USP53: variants seen among roughly 807,000 people sequenced by gnomAD.
The protein encoded by USP53 is ubiquitin specific peptidase 53, also known as ubiquitin carboxyl-terminal hydrolase 53.
In USP53, 71 loss-of-function variants were observed where a neutral mutation model predicts 94.9. The observed-to-expected ratio is 0.75, with a 90% confidence interval of 0.62 to 0.91. The LOEUF (loss-of-function observed/expected upper bound fraction) is 0.91. Among genes scored for constraint, USP53 ranks in the 40% least tolerant of loss-of-function variants. The probability of loss-of-function intolerance (pLI) is 0.00; values close to 1 mark genes in which losing one functional copy is unlikely to be tolerated. For synonymous variants in USP53, 375 were observed against 422.7 expected (o/e 0.89, Z 1.39); for missense variants, 1,173 against 1,281.0 (o/e 0.92, Z 1.29).
At chr4:119,286,119 TAA>T (rs1481058535) in intron 17 of USP53, among the ~76,000 whole-genome samples, 1 of 151,818 alleles carries the variant, frequency 6.6e-6, no homozygotes, top group Non-Finnish European at 1.5e-5. Context: ...TTTATCTAGT[TAA>T]AGTTTTCTGA....
intron 10 of USP53, 94 bp downstream of exon 10, chr4:119,260,019 C>G: frequency 1.2e-6 from 1 of 803,714 alleles, no homozygotes; most frequent in South Asian, 2.7e-5. Context: ...GATTCTATAT[C>G]TAGAATTAGC....
chr4:119,246,852 G>T (rs1222724058), intron 6 of USP53, among the ~76,000 whole-genome samples: 1 of 152,126 alleles, frequency 6.6e-6, no homozygotes, highest in Non-Finnish European at 1.5e-5. Flanking sequence ...TTTTGCCAGA[G>T]AACTTAAGAT....
At chr4:119,261,540 G>T (rs544502477) in intron 11 of USP53, among the ~76,000 whole-genome samples, 175 bp from the exon 12 acceptor site, 8 of 152,230 alleles carry the variant, frequency 5.3e-5, no homozygotes, top group Admixed American at 5.2e-4. Flanking sequence ...ATTAAAAGTG[G>T]TAATTCTGTT....
At chr4:119,288,884 G>C (rs1754407720) in intron 17 of USP53, among the ~76,000 whole-genome samples, 1 of 148,038 alleles carries the variant, frequency 6.8e-6, no homozygotes, top group Non-Finnish European at 1.5e-5. Flanking sequence ...GTTGCAGTGA[G>C]CCGAGATCGT....
intron 4 of USP53, among the ~76,000 whole-genome samples, chr4:119,236,209 C>T (rs1251328800): frequency 1.3e-5 from 2 of 152,150 alleles, no homozygotes; most frequent in Admixed American, 6.5e-5. Context: ...CACTATACCA[C>T]AGTCTATTAA....
At chr4:119,290,953 T>A (rs1225543959) in intron 17 of USP53, among the ~76,000 whole-genome samples, 1 of 152,188 alleles carries the variant, frequency 6.6e-6, no homozygotes, top group Non-Finnish European at 1.5e-5. Context: ...CCTCAAGTGA[T>A]AATAAACTGA....
intron 3 of USP53, among the ~76,000 whole-genome samples, chr4:119,224,863 AAAG>A (rs1339264611): frequency 6.6e-6 from 1 of 152,196 alleles, no homozygotes; most frequent in Non-Finnish European, 1.5e-5. Flanking sequence ...TTATATTAGA[AAAG>A]AAGAAAGCTC....
chr4:119,289,328 C>T (rs1223792892), intron 17 of USP53, among the ~76,000 whole-genome samples: 2 of 152,110 alleles, frequency 1.3e-5, no homozygotes, highest in African/African-American at 2.4e-5. Flanking sequence ...GTGTTACTGC[C>T]TTGAATTATG....
In USP53 at chr4:119,293,112, T is replaced by C; in HGVS notation, c.3123T>C (p.Val1041=). The change falls in exon 19 of 19, where the codon GTT becomes GTC. Residue 1041 remains valine, a synonymous_variant. Transcript: ENST00000692078. The part of the protein sequence containing the change: ...ETVSLTTYFS[V]DSCMTDTYRL... ...TTTCATTAACTACCTATTTTTCAGT[T>C]GATAGCTGCATGACGGATACATATA... 1 of 1,613,946 alleles carries C rather than the reference T, an allele frequency of 6.2e-7. No individual in the cohort carries two copies. The highest frequency in any genetic ancestry group is 8.5e-7 in the Non-Finnish European group (1 of 1,179,908).
At position 119,292,583 on chromosome 4, in the gene USP53, C is replaced by CA; in HGVS notation, c.2595dup (p.His866ThrfsTer27). 1 of 1,614,054 alleles carries CA rather than the reference C, an allele frequency of 6.2e-7. No individual in the cohort carries two copies. Among genetic ancestry groups the CA allele is most frequent in the Non-Finnish European group, 8.5e-7 (1 of 1,179,952 alleles). On this transcript the variant is annotated frameshift_variant, in exon 19 of 19. Transcript: ENST00000692078. LOFTEE classifies it low-confidence loss of function (END_TRUNC). ...AATGAACCATCTTCATTATGGTCTT[C>CA]ACACCTAAGAACTGTTGGGTTAAAG...
intron 5 of USP53, among the ~76,000 whole-genome samples, chr4:119,243,797 A>T (rs754106601): frequency 6.6e-6 from 1 of 152,210 alleles, no homozygotes; most frequent in Non-Finnish European, 1.5e-5. Context: ...TAATGCAAAA[A>T]CAGTACAATT....
intron 7 of USP53, among the ~76,000 whole-genome samples, chr4:119,251,153 T>C (rs186482745): frequency 2.7e-5 from 4 of 146,838 alleles, no homozygotes; most frequent in Admixed American, 7.0e-5. Flanking sequence ...GAACATGTGG[T>C]GTTTGGTTTT....
intron 7 of USP53, among the ~76,000 whole-genome samples, chr4:119,249,319 C>T (rs1026299485): frequency 1.3e-5 from 2 of 152,062 alleles, no homozygotes; most frequent in African/African-American, 2.4e-5. Context: ...GCCTGTTACA[C>T]ACATTCCAGG....
At chr4:119,259,113 T>C (rs1350161082) in intron 9 of USP53, among the ~76,000 whole-genome samples, 1 of 152,030 alleles carries the variant, frequency 6.6e-6, no homozygotes, top group East Asian at 1.9e-4. Flanking sequence ...AAACTCCATC[T>C]CTACTAGAAA....
Position 119,268,315 on chromosome 4 carries a change from G to A in USP53, c.1183G>A (p.Gly395Arg), listed in dbSNP as rs1751437677. Residue 395 changes from glycine to arginine, a missense_variant, in exon 14 of 19, where the codon GGA becomes AGA. Coordinates refer to ENST00000692078, the MANE Select transcript of USP53 (RefSeq NM_001371395.1). ...IHKSDNLKENGFGDQAKQREN... is the reference protein window; with the variant it reads ...IHKSDNLKENRFGDQAKQREN... Reference sequence around the variant, plus strand: ...TAAGTCAGATAATTTAAAAGAAAATGGATTTGGTGATCAGGCAAAGCAGAG... The same window carrying A: ...TAAGTCAGATAATTTAAAAGAAAATAGATTTGGTGATCAGGCAAAGCAGAG... 6.2e-7 allele frequency: 1 copy of A among 1,613,494 alleles called. No individual in the cohort carries two copies. Among genetic ancestry groups the A allele is most frequent in the African/African-American group, 1.3e-5 (1 of 74,876 alleles).
At chr4:119,286,257 C>T (rs1754098831) in intron 17 of USP53, among the ~76,000 whole-genome samples, 1 of 150,510 alleles carries the variant, frequency 6.6e-6, no homozygotes, top group Non-Finnish European at 1.5e-5. Flanking sequence ...AAACATAGGT[C>T]TTTTTTTTAG....
At chr4:119,227,300 A>ACACACACACACACACAC (rs1442892298) in intron 3 of USP53, among the ~76,000 whole-genome samples, 96 of 43,900 alleles carry the variant, frequency 2.2e-3, no homozygotes, top group African/African-American at 5.4e-3. Flanking sequence ...CACACACACA[A>ACACACACACACACACAC]ACTTGAAATG....
intron 11 of USP53, 144 bp from the exon 12 acceptor site, chr4:119,261,571 G>GC: frequency 1.9e-6 from 1 of 538,876 alleles, no homozygotes; most frequent in Non-Finnish European, 3.0e-6. Flanking sequence ...TGTCAGTGGT[G>GC]CCTTCAAGTA....
At chr4:119,250,420 T>G (rs1055491633) in intron 7 of USP53, among the ~76,000 whole-genome samples, 1 of 152,206 alleles carries the variant, frequency 6.6e-6, no homozygotes. Flanking sequence ...TTTCCTTAGA[T>G]GGAAAGCTCA....
Sources: allele counts gnomAD v4.1 joint callset (sites outside exome capture counted in the v4.1 genomes callset), GRCh38; gene constraint gnomAD v4.1.1; transcripts MANE v1.5; gene names NCBI Gene and HGNC (gene_info 2026-07-23, HGNC 2026-07-21).